The following SYNE1 variants were observed in gnomAD, a reference collection of about 807,000 sequenced individuals.
SYNE1 encodes the protein nesprin-1.
In SYNE1, 616 loss-of-function variants were observed where a neutral mutation model predicts 1,111.0. The observed-to-expected ratio is 0.55, with a 90% CI of 0.52 to 0.59. SYNE1 has a LOEUF of 0.59. Ranked by LOEUF, SYNE1 falls within the 20% of genes least tolerant of loss-of-function variation. SYNE1 has a pLI of 0.00. For missense variants in SYNE1, 10,006 were observed against 10,417.0 expected (o/e 0.96, Z 1.72); for synonymous variants, 3,855 against 3,825.8 (o/e 1.01, Z -0.28).
Position 152,359,380 on chromosome 6 carries a change from A to G in SYNE1, c.10378T>C (p.Tyr3460His). 6.2e-7 allele frequency: 1 copy of G among 1,614,166 alleles called. No homozygotes were observed. Among genetic ancestry groups the G allele is most frequent in the Non-Finnish European group, 8.5e-7 (1 of 1,180,046 alleles). ...EVKGAGMTEHYVTQLELQDLQ... is the reference protein window; with the variant it reads ...EVKGAGMTEHHVTQLELQDLQ... ...TCCTGGAGTTCTAGCTGGGTGACAT[A>G]GTGTTCTGTCATGCCAGCCCCTTTG... Residue 3460 changes from tyrosine to histidine, a missense_variant, in exon 65 of 146, where the codon TAT becomes CAT. Around this residue, in one of 7 missense-constraint regions of SYNE1, gnomAD observed 4,955 missense variants for 5,017.2 expected, o/e 0.99. Coordinates refer to ENST00000367255, the MANE Select transcript of SYNE1 (RefSeq NM_182961.4).
chr6:152,211,612 C>T (rs748878620), intron 123 of SYNE1, 24 bp from the exon 124 acceptor site: 28 of 1,596,684 alleles, frequency 1.8e-5, no homozygotes, highest in African/African-American at 4.0e-5. Flanking sequence ...AAAAGAAGAA[C>T]ATACTTTAGA....
rs781096163 is a variant in SYNE1, at chr6:152,502,661, T to C, written c.860A>G (p.Asn287Ser). The C allele has an allele frequency of 2.5e-6, 4 of 1,613,822 alleles. No individual in the cohort carries two copies. In the East Asian group the frequency reaches 6.7e-5, roughly 27 times the overall value. ...ATCCTCTTGCCCATCAGTGCTTGCA[T>C]TGTGGATGTCAGGATAATGTTTCAG... ...QFLKHYPDIH[N>S]ASTDGQEDDE... The change falls in exon 10 of 146, where the codon AAT becomes AGT. Residue 287 changes from asparagine to serine, a missense_variant. This residue lies in a region of SYNE1 where 1,971 missense variants were observed against 2,084.1 expected (regional missense o/e 0.95). Coordinates refer to ENST00000367255, the MANE Select transcript of SYNE1 (RefSeq NM_182961.4).
At position 152,416,416 on chromosome 6, in the gene SYNE1, T is replaced by G; in HGVS notation, c.6021A>C (p.Lys2007Asn). ...GCTGAAGAGCTTGGCGGGTAGGTTC[T>G]TTCAATCGCTCTTTGTCAGTCCTTT... ...IEERTDKERL[K>N]EPTRQALQQR... Residue 2007 changes from lysine (K) to asparagine (N), a missense_variant, in exon 41 of 146, where the codon AAA (lysine) becomes AAC (asparagine). Coordinates refer to ENST00000367255, the MANE Select transcript of SYNE1 (RefSeq NM_182961.4). 2 of 1,614,168 alleles carry G rather than the reference T, an allele frequency of 1.2e-6. No individual in the cohort carries two copies. The highest frequency in any genetic ancestry group is 1.7e-6 in the Non-Finnish European group (2 of 1,180,032).
In SYNE1 at chr6:152,132,189, T is replaced by C. The variant is rs2055916262; in HGVS notation, c.26027A>G (p.Asp8676Gly). 1 of 1,614,124 alleles carries C rather than the reference T, an allele frequency of 6.2e-7. No individual in the cohort carries two copies. Among genetic ancestry groups the C allele is most frequent in the Admixed American group, 1.7e-5 (1 of 60,028 alleles). The change falls in exon 144 of 146, where the codon GAT becomes GGT. Residue 8676 changes from aspartate (D) to glycine (G), a missense_variant. Around this residue, in one of 7 missense-constraint regions of SYNE1, gnomAD observed 761 missense variants for 795.5 expected, o/e 0.96. Transcript: ENST00000367255. ...QQDLSSWSSA[D>G]ELDTSGSVSP... ...CACAGACCCTGAGGTGTCCAGTTCA[T>C]CAGCAGAAGACCAGGAAGACAAATC...
chr6:152,249,083 A>G (rs183555217), intron 105 of SYNE1, 78 bp downstream of exon 105: 428 of 1,024,630 alleles, frequency 4.2e-4, no homozygotes, highest in Non-Finnish European at 5.9e-4. Context: ...TTAATCTTTC[A>G]TAGAATATTC....
Position 152,354,876 on chromosome 6 carries a change from C to T in SYNE1, c.10709G>A (p.Arg3570Gln), listed in dbSNP as rs751191478. 5.6e-6 allele frequency: 9 copies of T among 1,614,032 alleles called. No homozygotes were observed. The highest frequency in any genetic ancestry group is 6.8e-6 in the Non-Finnish European group (8 of 1,180,042). ...GTCTTGCCGGAGAGACTCTAAAGCC[C>T]GGTCCTCTGCCTGTGGGATACCTGA... is the stretch of plus-strand genomic sequence containing the variant. ...IPSGIPQAED[R>Q]ALESLRQDWQ... The change falls in exon 67 of 146, where the codon CGG becomes CAG. Residue 3570 changes from arginine (R) to glutamine (Q), a missense_variant. By Grantham distance (43) the Arg-to-Gln change is conservative (BLOSUM62 1). This residue lies in a region of SYNE1 where 4,955 missense variants were observed against 5,017.2 expected (regional missense o/e 0.99). Transcript: ENST00000367255.
intron 49 of SYNE1, among the ~76,000 whole-genome samples, 194 bp downstream of exon 49, chr6:152,398,425 A>G (rs2097767552): frequency 1.3e-5 from 2 of 152,218 alleles, no homozygotes; most frequent in Non-Finnish European, 2.9e-5. Context: ...GGATCTGGAA[A>G]TTCTGTAGCC....
Position 152,498,799 on chromosome 6 carries a change from A to G in SYNE1, c.889-7T>C. ...GGAAACCTGGAAGTATTTCCTAACAATATGAAAAGATAATATATAGAAATA... is the reference window on the plus strand; with the variant it reads ...GGAAACCTGGAAGTATTTCCTAACAGTATGAAAAGATAATATATAGAAATA... On this transcript the variant is annotated splice_region_variant and splice_polypyrimidine_tract_variant and intron_variant, in intron 10 of 145. Coordinates refer to ENST00000367255, the MANE Select transcript of SYNE1 (RefSeq NM_182961.4). The G allele has an allele frequency of 6.9e-7, 1 of 1,454,158 alleles. No individual in the cohort carries two copies. The highest frequency in any genetic ancestry group is 9.4e-7 in the Non-Finnish European group (1 of 1,058,734). 90.1% of individuals were successfully genotyped at this position (1,454,158 alleles called of 1,614,324 possible). A position where few individuals can be genotyped will look rare whatever the true frequency, so the allele number is the denominator to read the frequency against.
chr6:152,494,759 A>G (rs2098990021), intron 11 of SYNE1, among the ~76,000 whole-genome samples: 1 of 152,216 alleles, frequency 6.6e-6, no homozygotes, highest in Non-Finnish European at 1.5e-5. Context: ...AACTCTTCTC[A>G]AGGCTGCTTT....
At chr6:152,364,693 GA>G (rs776484261) in intron 63 of SYNE1, among the ~76,000 whole-genome samples, 153 bp downstream of exon 63, 2 of 103,650 alleles carry the variant, frequency 1.9e-5, no homozygotes, top group African/African-American at 6.3e-5. Flanking sequence ...AAGGAGGAAG[GA>G]AGGAAGGAAG....
intron 17 of SYNE1, among the ~76,000 whole-genome samples, chr6:152,465,760 A>AAC (rs113781129): frequency 0.033 from 4,343 of 133,262 alleles, 67 homozygotes; most frequent in Middle Eastern, 0.076. Flanking sequence ...CTCTTAGAAG[A>AAC]ACACATACAC....
At chr6:152,253,848 T>TTTTTTA (rs2090133982) in intron 104 of SYNE1, among the ~76,000 whole-genome samples, 1 of 108,236 alleles carries the variant, frequency 9.2e-6, no homozygotes, top group Middle Eastern at 4.1e-3. Flanking sequence ...TTTTTTTTTT[T>TTTTTTA]TTTTTTTTTT....
chr6:152,384,901 T>G (rs1048334419), intron 55 of SYNE1, among the ~76,000 whole-genome samples: 1 of 151,562 alleles, frequency 6.6e-6, no homozygotes, highest in African/African-American at 2.4e-5. Flanking sequence ...AAAATAGATC[T>G]GCAAAATGTG....
chr6:152,258,439 GT>G lies in SYNE1; in HGVS notation c.18973-1675del, dbSNP rs539960371. 3.6e-4 allele frequency among the ~76,000 whole-genome samples: 55 copies of G among 152,246 alleles called. No homozygotes were observed. The South Asian group carries it at 5.2e-3, about 14-fold the overall frequency. On this transcript the variant is annotated intron_variant, in intron 101 of 145. Transcript: ENST00000367255. ...CGAATTATTATAATGCATATATGTAGTTTTTCAAAATAATAGAGTAATTTTT... is the reference window on the plus strand; with the variant it reads ...CGAATTATTATAATGCATATATGTAGTTTTCAAAATAATAGAGTAATTTTT...
intron 98 of SYNE1, among the ~76,000 whole-genome samples, chr6:152,274,834 G>A (rs1402578393): frequency 1.3e-5 from 2 of 152,116 alleles, no homozygotes; most frequent in African/African-American, 2.4e-5. Flanking sequence ...GACCTCAGGT[G>A]ATCCACCTGC....
At position 152,316,977 on chromosome 6, in the gene SYNE1, G is replaced by C. The variant is rs886550665; in HGVS notation, c.16582C>G (p.His5528Asp). The C allele has an allele frequency of 6.2e-7, 1 of 1,613,892 alleles. No individual in the cohort carries two copies. Among genetic ancestry groups the C allele is most frequent in the Non-Finnish European group, 8.5e-7 (1 of 1,180,008 alleles). ...RLSKLNQAAS[H>D]LEEYNEMLEL... ...AGCATTTCATTGTATTCTTCTAAATGTGATGCTGCCTGAAAAACCAGTAAC... is the reference window on the plus strand; with the variant it reads ...AGCATTTCATTGTATTCTTCTAAATCTGATGCTGCCTGAAAAACCAGTAAC... The change falls in exon 87 of 146, where the codon CAT becomes GAT. Residue 5528 changes from histidine to aspartate, a missense_variant. Transcript: ENST00000367255.
chr6:152,263,856 G>GA (rs2092379465), intron 100 of SYNE1, among the ~76,000 whole-genome samples: 1 of 152,208 alleles, frequency 6.6e-6, no homozygotes, highest in Non-Finnish European at 1.5e-5. Flanking sequence ...GAATGAAAGA[G>GA]AATACATGCA....
chr6:152,372,365 A>G (rs1302298703), intron 59 of SYNE1, among the ~76,000 whole-genome samples: 1 of 152,216 alleles, frequency 6.6e-6, no homozygotes, highest in African/African-American at 2.4e-5. Flanking sequence ...TCTTTTTCCA[A>G]CCTTCATTAA....
At chr6:152,240,058 C>T (rs1319411673) in intron 107 of SYNE1, among the ~76,000 whole-genome samples, 1 of 152,146 alleles carries the variant, frequency 6.6e-6, no homozygotes, top group Non-Finnish European at 1.5e-5. Flanking sequence ...CACACCAACC[C>T]AGCGCTGGAG....
Sources: allele counts gnomAD v4.1 joint callset (sites outside exome capture counted in the v4.1 genomes callset), GRCh38; gene constraint gnomAD v4.1.1; regional missense constraint gnomAD v4.1.1; transcripts MANE v1.5; gene names NCBI Gene and HGNC (gene_info 2026-07-23, HGNC 2026-07-21).